Variants in PIK3R3 observed in about 807,000 individuals in gnomAD.
PIK3R3 encodes the protein phosphatidylinositol 3-kinase regulatory subunit gamma.
Under a neutral mutation model 62.9 loss-of-function variants are expected in PIK3R3, and 64 were observed. That is an observed-to-expected ratio of 1.02 (90% CI 0.83 to 1.25). PIK3R3 has a LOEUF of 1.25. PIK3R3 is among the 50% of genes most tolerant of loss of function. The pLI, the probability that PIK3R3 is intolerant of heterozygous loss-of-function variation, is 0.00. For synonymous variants in PIK3R3, 165 were observed against 189.0 expected, an observed-to-expected ratio of 0.87 and a Z score of 1.04; for missense variants, 614 against 561.6, an observed-to-expected ratio of 1.09 and a Z score of -0.94.
At chr1:46,124,966 G>A (rs1476054981) in intron 1 of PIK3R3, among the ~76,000 whole-genome samples, 2 of 151,962 alleles carry the variant, frequency 1.3e-5, no homozygotes, top group Non-Finnish European at 2.9e-5. Flanking sequence ...GGGTGTGGTG[G>A]TACACACCTG....
At chr1:46,152,105 C>T in the PIK3R3 span, among the ~76,000 whole-genome samples, 1 of 152,184 alleles carries the variant, frequency 6.6e-6, no homozygotes, top group African/African-American at 2.4e-5. Context: ...AGTCCTGGTT[C>T]AGAAGTATCT....
At chr1:46,080,859 A>G (rs1046548020) in intron 1 of PIK3R3, 109 bp from the exon 2 acceptor site, 9 of 674,324 alleles carry the variant, frequency 1.3e-5, no homozygotes, top group Admixed American at 9.8e-5. Flanking sequence ...ATAATTATCA[A>G]TCAAATTGAG....
At chr1:46,142,297 G>C in the PIK3R3 span, among the ~76,000 whole-genome samples, 1 of 152,202 alleles carries the variant, frequency 6.6e-6, no homozygotes, top group South Asian at 2.1e-4. Context: ...ATCTGAGCTA[G>C]TTCCTTTTCT....
chr1:46,122,524 C>G (rs1488367018), intron 1 of PIK3R3, among the ~76,000 whole-genome samples: 2 of 152,068 alleles, frequency 1.3e-5, no homozygotes, highest in Admixed American at 1.3e-4. Flanking sequence ...CGCGCCACCA[C>G]GCCTGGCTAA....
intron 1 of PIK3R3, among the ~76,000 whole-genome samples, chr1:46,090,042 G>T (rs1237747193): frequency 6.6e-6 from 1 of 152,206 alleles, no homozygotes; most frequent in Non-Finnish European, 1.5e-5. Flanking sequence ...AGTGGCAGAA[G>T]AGAGGGTAGG....
chr1:46,138,325 G>T, the PIK3R3 span, among the ~76,000 whole-genome samples: 2 of 152,132 alleles, frequency 1.3e-5, no homozygotes, highest in African/African-American at 4.8e-5. Context: ...TTGTTAGAGG[G>T]CAATATCAGT....
intron 7 of PIK3R3, among the ~76,000 whole-genome samples, chr1:46,048,900 C>T (rs1647184621): frequency 6.6e-6 from 1 of 152,036 alleles, no homozygotes; most frequent in East Asian, 1.9e-4. Context: ...TTTTAAAAAC[C>T]ATTTTCAAAA....
At chr1:46,136,586 A>G (rs921325648), upstream of PIK3R3, among the ~76,000 whole-genome samples, 2 of 152,290 alleles carry the variant, frequency 1.3e-5, no homozygotes, top group East Asian at 3.9e-4. Context: ...ATGACATTAT[A>G]TGAATGAGTA....
chr1:46,137,141 A>G (rs926075789), upstream of PIK3R3, among the ~76,000 whole-genome samples: 18 of 152,180 alleles, frequency 1.2e-4, no homozygotes, highest in Admixed American at 5.2e-4. Flanking sequence ...TTAGAGCCCC[A>G]TGTCCTGACT....
At chr1:46,100,183 T>A (rs1652522510) in intron 1 of PIK3R3, among the ~76,000 whole-genome samples, 1 of 152,322 alleles carries the variant, frequency 6.6e-6, no homozygotes, top group South Asian at 2.1e-4. Context: ...CTTTTACAGT[T>A]CAAATTTCAA....
rs989508763 is a variant in PIK3R3 at position 46,046,868 on chromosome 1, A to G, written c.942-243T>C. 1.8e-5 allele frequency: 10 copies of G among 541,236 alleles called. No homozygotes were observed. In the Admixed American group the frequency reaches 3.1e-4, roughly 17 times the overall value. 33.5% of individuals were successfully genotyped at this position (541,236 alleles called of 1,614,324 possible). On this transcript the variant is annotated intron_variant, in intron 7 of 9. Transcript: ENST00000262741. ...AGGGCTACTTGAAATTAGGCCCTTCACTTTTCATTTTTCTTTTCTGGAGGA... is the reference window on the plus strand; with the variant it reads ...AGGGCTACTTGAAATTAGGCCCTTCGCTTTTCATTTTTCTTTTCTGGAGGA...
the PIK3R3 span, among the ~76,000 whole-genome samples, chr1:46,162,105 A>AG: frequency 6.6e-6 from 1 of 151,830 alleles, no homozygotes; most frequent in Non-Finnish European, 1.5e-5. Flanking sequence ...AAAAAAAAAA[A>AG]AAAGATTTTC....
At position 46,041,996 on chromosome 1, in the gene PIK3R3, T is replaced by C. The variant is rs11548677; in HGVS notation, c.*1677A>G. On this transcript the variant is annotated 3_prime_UTR_variant, in exon 10 of 10. Coordinates refer to ENST00000262741, the MANE Select transcript of PIK3R3 (RefSeq NM_003629.4). ...TTCACCCCCAGAACTAGAGCTTTCCTAGCTGTAAGCCTTATAAACCAAGAT... is the reference window on the plus strand; with the variant it reads ...TTCACCCCCAGAACTAGAGCTTTCCCAGCTGTAAGCCTTATAAACCAAGAT... The C allele has an allele frequency of 0.014, 3,192 of 221,538 alleles. 153 individuals carry two copies. The highest frequency in any genetic ancestry group is 0.087 in the Admixed American group (1,504 of 17,366). The allele number at this position is 221,538 out of a possible 1,614,324, so 13.7% of individuals were successfully genotyped here.
At chr1:46,140,174 T>C in the PIK3R3 span, among the ~76,000 whole-genome samples, 1 of 152,094 alleles carries the variant, frequency 6.6e-6, no homozygotes, top group Non-Finnish European at 1.5e-5. Context: ...TTTTATTTTT[T>C]GTAGAGACAG....
At chr1:46,049,692 G>A (rs1478295994) in intron 7 of PIK3R3, among the ~76,000 whole-genome samples, 1 of 152,182 alleles carries the variant, frequency 6.6e-6, no homozygotes, top group Non-Finnish European at 1.5e-5. Context: ...TAATTTTCTG[G>A]CACTACTTCA....
chr1:46,070,894 T>G (rs1315890402), intron 3 of PIK3R3, among the ~76,000 whole-genome samples: 1 of 152,228 alleles, frequency 6.6e-6, no homozygotes, highest in Admixed American at 6.5e-5. Flanking sequence ...GATAGCAGAT[T>G]CTTAAAGATT....
At chr1:46,131,404 A>G (rs764414433) in intron 1 of PIK3R3, among the ~76,000 whole-genome samples, 30 of 152,226 alleles carry the variant, frequency 2.0e-4, no homozygotes, top group Non-Finnish European at 2.5e-4. Context: ...GAACCAAATT[A>G]GACAAATGTA....
rs191628408 is a variant in PIK3R3, at chr1:46,053,820, G to A, written c.941+1975C>T. ...CCTTGTATTTCTTATTGCTTTTCAG[G>A]GCAAAGAAGGACTTCCATTCATTGT... On this transcript the variant is annotated intron_variant, in intron 7 of 9. Transcript: ENST00000262741. Among the ~76,000 whole-genome samples, 24 of 152,094 alleles carry A rather than the reference G, an allele frequency of 1.6e-4. No individual in the cohort carries two copies. The East Asian group carries it at 4.2e-3, about 27-fold the overall frequency.
At chr1:46,096,852 A>AG (rs1557605595) in intron 1 of PIK3R3, among the ~76,000 whole-genome samples, 2 of 151,824 alleles carry the variant, frequency 1.3e-5, no homozygotes, top group East Asian at 1.9e-4. Flanking sequence ...AAAAAAAAAA[A>AG]AAAGAAAGAA....
Sources: gnomAD v4.1 joint callset for allele counts (sites outside exome capture counted in the v4.1 genomes callset) on GRCh38, gnomAD v4.1.1 for gene constraint, MANE v1.5 for transcripts, NCBI Gene and HGNC (gene_info 2026-07-23, HGNC 2026-07-21) for gene names.